Variants in NTN1 observed in about 807,000 individuals in gnomAD.
The protein encoded by NTN1 is netrin-1.
In NTN1, 11 loss-of-function variants were observed where a neutral mutation model predicts 54.2. That is an observed-to-expected ratio of 0.20 (90% CI 0.13 to 0.34). NTN1 has a LOEUF of 0.34. NTN1 is among the 10% of genes least tolerant of loss of function. The pLI is 1.00. For missense variants in NTN1, 740 were observed against 893.1 expected (o/e 0.83, Z 2.18); for synonymous variants, 371 against 382.0 (o/e 0.97, Z 0.33).
intron 2 of NTN1, among the ~76,000 whole-genome samples, chr17:9,050,648 G>T (rs1273532689): frequency 8.1e-6 from 1 of 122,964 alleles, no homozygotes; most frequent in African/African-American, 3.2e-5. Context: ...CAGCCTGGGC[G>T]ACAGAGCGAG....
chr17:9,106,098 C>T (rs2092165192), intron 2 of NTN1, among the ~76,000 whole-genome samples: 1 of 152,102 alleles, frequency 6.6e-6, no homozygotes, highest in African/African-American at 2.4e-5. Flanking sequence ...ATCTGCACAT[C>T]AAAGTTGGAG....
intron 3 of NTN1, chr17:9,179,123 A>G (rs1047384980): frequency 6.6e-6 from 1 of 152,302 alleles, no homozygotes; most frequent in African/African-American, 2.4e-5. Context: ...AGGCTCTGGG[A>G]GTTTCCTTTA....
At position 9,219,825 on chromosome 17, in the gene NTN1, C is replaced by CCGTGTGTGTGCA. The variant is rs1016864751; in HGVS notation, c.1412-1321_1412-1310dup. On this transcript the variant is annotated intron_variant, in intron 5 of 6. Coordinates refer to ENST00000173229, the MANE Select transcript of NTN1 (RefSeq NM_004822.3). The surrounding 1 kb of genome is among the most constrained non-coding windows in gnomAD (Gnocchi z 4.5). ...TGCCACCTGCCCCTGGAGCAGCCGC[C>CCGTGTGTGTGCA]CGTGTGTGTGCACGTGTGTGTGCAC... 1.7e-4 allele frequency among the ~76,000 whole-genome samples: 26 copies of CCGTGTGTGTGCA among 152,186 alleles called. No individual in the cohort carries two copies. Among genetic ancestry groups the CCGTGTGTGTGCA allele is most frequent in the South Asian group, 2.1e-4 (1 of 4,830 alleles).
At chr17:9,178,766 G>T (rs548065408) in intron 3 of NTN1, among the ~76,000 whole-genome samples, 8 of 152,134 alleles carry the variant, frequency 5.3e-5, no homozygotes, top group African/African-American at 1.2e-4. Flanking sequence ...TTCTTCCTTC[G>T]GTGTTCCCCT....
intron 5 of NTN1, among the ~76,000 whole-genome samples, chr17:9,195,836 ATTACT>A (rs1904619622): frequency 6.6e-6 from 1 of 152,178 alleles, no homozygotes; most frequent in South Asian, 2.1e-4. Context: ...GGTCCCTCTA[ATTACT>A]TAAATACCCT....
At chr17:9,010,555 G>T in the NTN1 span, among the ~76,000 whole-genome samples, 4 of 152,168 alleles carry the variant, frequency 2.6e-5, no homozygotes, top group Non-Finnish European at 5.9e-5. Flanking sequence ...CCTTTCATTT[G>T]CCCCAAGCAT....
chr17:9,114,166 A>AAATATATATAT (rs1555569108), intron 2 of NTN1, among the ~76,000 whole-genome samples: 6 of 74,622 alleles, frequency 8.0e-5, no homozygotes, highest in South Asian at 4.4e-4. Flanking sequence ...AAAAAAAAAA[A>AAATATATATAT]ATATATATAT....
rs917085210 is a variant in NTN1 at position 9,212,588 on chromosome 17, T to C, written c.1412-8580T>C. Among the ~76,000 whole-genome samples the C allele has an allele frequency of 1.3e-5, 2 of 152,094 alleles. No individual in the cohort carries two copies. Among genetic ancestry groups the C allele is most frequent in the African/African-American group, 4.8e-5 (2 of 41,412 alleles). On this transcript the variant is annotated intron_variant, in intron 5 of 6. Coordinates refer to ENST00000173229, the MANE Select transcript of NTN1 (RefSeq NM_004822.3). This position sits in a 1 kb window ranked among gnomAD's most constrained non-coding sequence, Gnocchi z 5.5. Reference sequence around the variant, plus strand: ...TGGGTGCCCCTGTTAGCCCCAGCCTTTCTCCCCTTAAACTCTTTCACCCTG... The same window carrying C: ...TGGGTGCCCCTGTTAGCCCCAGCCTCTCTCCCCTTAAACTCTTTCACCCTG...
chr17:9,190,703 T>C (rs1904427427), intron 5 of NTN1, among the ~76,000 whole-genome samples: 1 of 152,078 alleles, frequency 6.6e-6, no homozygotes, highest in African/African-American at 2.4e-5. Context: ...AATACAAAAA[T>C]GAGCTGGACA....
chr17:9,095,292 T>C (rs886184404), intron 2 of NTN1, among the ~76,000 whole-genome samples: 1 of 152,246 alleles, frequency 6.6e-6, no homozygotes, highest in Non-Finnish European at 1.5e-5. Context: ...TGCTTTTTAC[T>C]TTTATATAAG....
At chr17:9,137,662 C>G (rs565376051) in intron 2 of NTN1, among the ~76,000 whole-genome samples, 9 of 152,104 alleles carry the variant, frequency 5.9e-5, no homozygotes, top group Non-Finnish European at 1.3e-4. Context: ...AGTGTGATGG[C>G]AGGCACCTGT....
intron 6 of NTN1, among the ~76,000 whole-genome samples, chr17:9,224,859 C>T (rs1597547501): frequency 6.6e-6 from 1 of 152,170 alleles, no homozygotes; most frequent in Non-Finnish European, 1.5e-5. Context: ...GGCTCTGGCA[C>T]CACTAGCTTT....
chr17:9,231,341 G>A (rs1905804198), intron 6 of NTN1, among the ~76,000 whole-genome samples: 1 of 152,218 alleles, frequency 6.6e-6, no homozygotes, highest in Admixed American at 6.5e-5. Context: ...AGCTTTGGGG[G>A]GCATCTTTGC....
intron 2 of NTN1, among the ~76,000 whole-genome samples, chr17:9,133,209 C>G (rs866790623): frequency 9.2e-5 from 14 of 152,174 alleles, no homozygotes; most frequent in African/African-American, 2.9e-4. Context: ...GGGAGTCTGA[C>G]GGATGCCACC....
the NTN1 span, among the ~76,000 whole-genome samples, chr17:9,008,299 G>T: frequency 0.011 from 1,508 of 139,858 alleles, 30 homozygotes; most frequent in African/African-American, 0.044. Flanking sequence ...TTTAATTTAA[G>T]TTAATTAATT....
At chr17:9,018,631 A>T (rs1227228727), upstream of NTN1, among the ~76,000 whole-genome samples, 2 of 151,598 alleles carry the variant, frequency 1.3e-5, no homozygotes, top group African/African-American at 4.8e-5. Context: ...CTTAAAAAAA[A>T]AAAAAAAAAA....
At chr17:9,043,140 A>G (rs2091928175) in intron 2 of NTN1, among the ~76,000 whole-genome samples, 6 of 152,208 alleles carry the variant, frequency 3.9e-5, no homozygotes, top group Non-Finnish European at 1.5e-5. Context: ...ATTCTATATA[A>G]TAATCACTAA....
chr17:9,225,724 G>T (rs113877174), intron 6 of NTN1, among the ~76,000 whole-genome samples: 4 of 152,202 alleles, frequency 2.6e-5, no homozygotes, highest in Non-Finnish European at 5.9e-5. Context: ...GGGCGGGCCA[G>T]GGCGGGCCGG....
At chr17:9,116,519 A>G (rs1307156868) in intron 2 of NTN1, among the ~76,000 whole-genome samples, 1 of 152,146 alleles carries the variant, frequency 6.6e-6, no homozygotes, top group South Asian at 2.1e-4. Context: ...CTCTCCCCAC[A>G]TCTCTCTGAT....
Sources: allele counts gnomAD v4.1 joint callset (sites outside exome capture counted in the v4.1 genomes callset), GRCh38; gene constraint gnomAD v4.1.1; non-coding constraint Gnocchi (gnomAD v3.1); transcripts MANE v1.5; gene names NCBI Gene and HGNC (gene_info 2026-07-23, HGNC 2026-07-21).